MEGF6: variants seen among roughly 807,000 people sequenced by gnomAD.
The protein encoded by MEGF6 is multiple EGF like domains 6, also known as multiple epidermal growth factor-like domains protein 6.
In MEGF6, 184 loss-of-function variants were observed where a neutral mutation model predicts 207.1. The observed-to-expected ratio is 0.89, with a 90% CI of 0.79 to 1.00. The LOEUF (loss-of-function observed/expected upper bound fraction) is 1.00. MEGF6 is among the 50% of genes least tolerant of loss of function. The pLI is 0.00. For missense variants in MEGF6, 2,282 were observed against 2,202.9 expected (o/e 1.04, Z -0.72); for synonymous variants, 1,038 against 910.0 (o/e 1.14, Z -2.53).
chr1:3,531,272 G>GGGCGAGGACCAACCGCGCTGC, intron 4 of MEGF6: 1 of 1,332,252 alleles, frequency 7.5e-7, no homozygotes. Flanking sequence ...GGGCGGGAGG[G>GGGCGAGGACCAACCGCGCTGC]GGCGAGGACC....
chr1:3,495,437 G>C (rs977689009), intron 30 of MEGF6, among the ~76,000 whole-genome samples: 7 of 152,166 alleles, frequency 4.6e-5, no homozygotes, highest in African/African-American at 1.7e-4. Flanking sequence ...CCTGGGTCCA[G>C]CCCATCTCTC....
Position 3,573,106 on chromosome 1 carries a change from ATGCTGGGTCCTCCTGTGTG to A in MEGF6, c.481+6700_481+6718del, listed in dbSNP as rs1231302077. 1.6e-5 allele frequency among the ~76,000 whole-genome samples: 2 copies of A among 128,446 alleles called. No individual in the cohort carries two copies. The highest frequency in any genetic ancestry group is 3.0e-5 in the African/African-American group (1 of 33,042). 84.3% of individuals were successfully genotyped at this position (128,446 alleles called of 152,430 possible). ...TCAGGTGTGCTGGGTCCTTCCTGGT[ATGCTGGGTCCTCCTGTGTG>A]TGCTGGGTCCTCCCTGGTGGGCTGT... is the stretch of plus-strand genomic sequence containing the variant. On this transcript the variant is annotated intron_variant, in intron 4 of 36. Coordinates refer to ENST00000356575, the MANE Select transcript of MEGF6 (RefSeq NM_001409.4). This position sits in a 1 kb window ranked among gnomAD's most constrained non-coding sequence, Gnocchi z 5.1.
upstream of MEGF6, among the ~76,000 whole-genome samples, chr1:3,612,492 C>T (rs1025599350): frequency 1.3e-5 from 2 of 152,232 alleles, 1 homozygote; most frequent in South Asian, 4.1e-4. Flanking sequence ...CTACCAGACA[C>T]TCAGGAGAGT....
chr1:3,563,485 A>G (rs530232622), intron 4 of MEGF6, among the ~76,000 whole-genome samples: 1 of 152,302 alleles, frequency 6.6e-6, no homozygotes, highest in East Asian at 1.9e-4. Flanking sequence ...ACTGGACTGT[A>G]GGTCCCTGAA....
At position 3,494,359 on chromosome 1, in the gene MEGF6, C is replaced by A; in HGVS notation, c.4129+12G>T. 2.0e-6 allele frequency: 3 copies of A among 1,538,036 alleles called. No individual in the cohort carries two copies. Among genetic ancestry groups the A allele is most frequent in the South Asian group, 1.2e-5 (1 of 83,804 alleles). On this transcript the variant is annotated intron_variant, in intron 32 of 36. Transcript: ENST00000356575. ...AGGGGCCCCAGCCCAGCTGCACAGG[C>A]CCCCAACTCACGGTGCTCGCAGGCC...
upstream of MEGF6, among the ~76,000 whole-genome samples, chr1:3,614,907 G>T (rs958848923): frequency 2.0e-5 from 3 of 152,200 alleles, no homozygotes; most frequent in African/African-American, 7.2e-5. Context: ...TCTGTCTCTG[G>T]GTATTTCCAC....
chr1:3,564,885 C>T (rs1002969463), intron 4 of MEGF6, among the ~76,000 whole-genome samples: 1 of 152,192 alleles, frequency 6.6e-6, no homozygotes, highest in Non-Finnish European at 1.5e-5. Flanking sequence ...ACCACGGTCC[C>T]GCTCTGGCCG....
chr1:3,540,844 G>A (rs1280022657), intron 4 of MEGF6, among the ~76,000 whole-genome samples: 3 of 152,188 alleles, frequency 2.0e-5, no homozygotes, highest in African/African-American at 4.8e-5. Context: ...ATCACACTGG[G>A]GAGTCCACTC....
At chr1:3,592,219 C>G (rs1178315270) in intron 3 of MEGF6, among the ~76,000 whole-genome samples, 1 of 152,234 alleles carries the variant, frequency 6.6e-6, no homozygotes, top group African/African-American at 2.4e-5. Context: ...GTGCAGCCCA[C>G]TGCCCTGAGA....
At position 3,507,790 on chromosome 1, in the gene MEGF6, C is replaced by A. The variant is rs775109791; in HGVS notation, c.1789+5G>T. The A allele has an allele frequency of 2.5e-6, 4 of 1,612,608 alleles. No individual in the cohort carries two copies. Among genetic ancestry groups the A allele is most frequent in the African/African-American group, 1.3e-5 (1 of 74,912 alleles). On this transcript the variant is annotated splice_donor_5th_base_variant and intron_variant, in intron 14 of 36. Transcript: ENST00000356575. Reference sequence around the variant, plus strand: ...TCCAGAAGCACCAGAAGAGGCTGCACGCACCATCCTCACAGTTAGTTCCAC... The same window carrying A: ...TCCAGAAGCACCAGAAGAGGCTGCAAGCACCATCCTCACAGTTAGTTCCAC...
chr1:3,597,114 C>T (rs1644080233), intron 2 of MEGF6, among the ~76,000 whole-genome samples: 1 of 152,258 alleles, frequency 6.6e-6, no homozygotes, highest in South Asian at 2.1e-4. Flanking sequence ...ACCAGCAGCT[C>T]ACACAGCTCC....
At chr1:3,508,831 G>T in intron 12 of MEGF6, 142 bp from the exon 13 acceptor site, 1 of 1,173,538 alleles carries the variant, frequency 8.5e-7, no homozygotes, top group Non-Finnish European at 1.2e-6. Flanking sequence ...GTGACATGGG[G>T]ACAGATGCTG....
At chr1:3,529,654 G>A (rs979899510) in intron 4 of MEGF6, among the ~76,000 whole-genome samples, 8 of 152,194 alleles carry the variant, frequency 5.3e-5, no homozygotes, top group Non-Finnish European at 1.0e-4. Flanking sequence ...GGAGCCTGGC[G>A]AGACCTGCAG....
At chr1:3,551,137 G>T (rs1267679886) in intron 4 of MEGF6, among the ~76,000 whole-genome samples, 1 of 152,192 alleles carries the variant, frequency 6.6e-6, no homozygotes, top group African/African-American at 2.4e-5. Flanking sequence ...ATGCCCCACA[G>T]ATGTGAGGCT....
rs759727839 is a variant in MEGF6 at position 3,505,515 on chromosome 1, A to G, written c.1960T>C (p.Cys654Arg). The change falls in exon 16 of 37, where the codon TGC (cysteine) becomes CGC (arginine). Residue 654 changes from cysteine to arginine, a missense_variant. Coordinates refer to ENST00000356575, the MANE Select transcript of MEGF6 (RefSeq NM_001409.4). ...WAFGPGCSEE[C>R]QCVQPHTQSC... The stretch of plus-strand genomic sequence containing the variant: ...TGCGTGTGGGGCTGCACACACTGGC[A>G]CTCCTCCGAGCAGCCCGGCCCAAAG... The G allele has an allele frequency of 6.2e-7, 1 of 1,601,244 alleles. No homozygotes were observed. Among genetic ancestry groups the G allele is most frequent in the Admixed American group, 1.7e-5 (1 of 58,668 alleles).
At chr1:3,549,670 C>G (rs904859498) in intron 4 of MEGF6, among the ~76,000 whole-genome samples, 2 of 152,240 alleles carry the variant, frequency 1.3e-5, no homozygotes, top group African/African-American at 4.8e-5. Context: ...CAGCTCACCC[C>G]GCTCTCTGGC....
chr1:3,551,863 AC>A (rs1474043113), intron 4 of MEGF6, among the ~76,000 whole-genome samples: 1 of 151,220 alleles, frequency 6.6e-6, no homozygotes, highest in Non-Finnish European at 1.5e-5. Flanking sequence ...CACTTGTAAA[AC>A]CCCTGTCACC....
intron 4 of MEGF6, among the ~76,000 whole-genome samples, chr1:3,540,034 T>C (rs571760738): frequency 6.6e-6 from 1 of 152,284 alleles, no homozygotes; most frequent in South Asian, 2.1e-4. Flanking sequence ...TCCGTGTTTA[T>C]CTGGAGCACG....
rs748084105 is a variant in MEGF6, at chr1:3,505,572, C to G, written c.1919-16G>C. 6.4e-7 allele frequency: 1 copy of G among 1,551,472 alleles called. No homozygotes were observed. Among genetic ancestry groups the G allele is most frequent in the Non-Finnish European group, 8.7e-7 (1 of 1,152,930 alleles). ...GGCGGGCAGGCTGCACCCACAGAAC[C>G]GTTGAGGGGGGCTCCCGTCTGAAGC... On this transcript the variant is annotated splice_polypyrimidine_tract_variant and intron_variant, in intron 15 of 36. Coordinates refer to ENST00000356575, the MANE Select transcript of MEGF6 (RefSeq NM_001409.4).
Sources: gnomAD v4.1 joint callset for allele counts (sites outside exome capture counted in the v4.1 genomes callset) on GRCh38, gnomAD v4.1.1 for gene constraint, Gnocchi (gnomAD v3.1) non-coding constraint, MANE v1.5 for transcripts, NCBI Gene and HGNC (gene_info 2026-07-23, HGNC 2026-07-21) for gene names.